The following ABCA1 variants were observed in gnomAD, a reference collection of about 807,000 sequenced individuals.
ABCA1 encodes the protein phospholipid-transporting ATPase ABCA1.
Under a neutral mutation model 262.5 loss-of-function variants are expected in ABCA1, and 133 were observed. That is an observed-to-expected ratio of 0.51 (90% CI 0.44 to 0.59). The LOEUF (loss-of-function observed/expected upper bound fraction) is 0.59, where lower values mean the gene tolerates loss of function less well. Ranked by LOEUF, ABCA1 falls within the 20% of genes least tolerant of loss-of-function variation. The probability of loss-of-function intolerance (pLI) is 0.00; values close to 1 mark genes in which losing one functional copy is unlikely to be tolerated. For missense variants in ABCA1, 2,452 were observed against 2,777.5 expected, an observed-to-expected ratio of 0.88 and a Z score of 2.63; for synonymous variants, 1,022 against 1,043.5, an observed-to-expected ratio of 0.98 and a Z score of 0.40.
intron 7 of ABCA1, among the ~76,000 whole-genome samples, chr9:104,856,632 T>C (rs1195491506): frequency 6.6e-6 from 1 of 152,168 alleles, no homozygotes; most frequent in Non-Finnish European, 1.5e-5. Context: ...AATTCAGGCA[T>C]TGTGTGAGTG....
intron 1 of ABCA1, among the ~76,000 whole-genome samples, chr9:104,905,783 G>C (rs3905001): frequency 0.33 from 50,440 of 152,036 alleles, 8,897 homozygotes; most frequent in East Asian, 0.58. Context: ...CCAGGAATCA[G>C]TTCGTTGATT....
chr9:104,916,408 T>C (rs1338017682), intron 1 of ABCA1, among the ~76,000 whole-genome samples: 2 of 152,158 alleles, frequency 1.3e-5, no homozygotes, highest in African/African-American at 4.8e-5. Context: ...AGATTCAAAT[T>C]GGACCAACAG....
At chr9:104,883,412 G>C (rs1181566971) in intron 4 of ABCA1, among the ~76,000 whole-genome samples, 1 of 152,054 alleles carries the variant, frequency 6.6e-6, no homozygotes, top group Non-Finnish European at 1.5e-5. Context: ...TCAAGGCCCG[G>C]CTCATCATGC....
chr9:104,877,390 G>A (rs1838250997), intron 5 of ABCA1, among the ~76,000 whole-genome samples: 1 of 152,216 alleles, frequency 6.6e-6, no homozygotes, highest in African/African-American at 2.4e-5. Context: ...GGAACCATGA[G>A]CAAGGCGCCC....
At chr9:104,852,886 G>A (rs1420178274) in intron 7 of ABCA1, among the ~76,000 whole-genome samples, 1 of 152,198 alleles carries the variant, frequency 6.6e-6, no homozygotes, top group Non-Finnish European at 1.5e-5. Flanking sequence ...TTTAAGGACT[G>A]CATGTAACAA....
chr9:104,877,991 T>C (rs1838297819), intron 5 of ABCA1, among the ~76,000 whole-genome samples: 1 of 152,240 alleles, frequency 6.6e-6, no homozygotes, highest in Non-Finnish European at 1.5e-5. Context: ...GAAATTGCAA[T>C]TGGATGTGGG....
At chr9:104,856,241 T>G (rs1777650213) in intron 7 of ABCA1, among the ~76,000 whole-genome samples, 1 of 152,248 alleles carries the variant, frequency 6.6e-6, no homozygotes, top group Non-Finnish European at 1.5e-5. Context: ...CATTTCATCC[T>G]AAAGCCTTCC....
At chr9:104,888,073 G>GTGTA (rs1839357426) in intron 3 of ABCA1, among the ~76,000 whole-genome samples, 2 of 151,622 alleles carry the variant, frequency 1.3e-5, no homozygotes, top group African/African-American at 4.9e-5. Context: ...GTGTGTGTGT[G>GTGTA]TGTGTGTGTG....
At chr9:104,869,030 G>C (rs909440572) in intron 5 of ABCA1, among the ~76,000 whole-genome samples, 9 of 146,816 alleles carry the variant, frequency 6.1e-5, no homozygotes, top group African/African-American at 2.2e-4. Flanking sequence ...GGGGAGGCTG[G>C]GAAAGAAGGA....
In ABCA1 at chr9:104,858,663, A is replaced by G; in HGVS notation, c.579T>C (p.Ser193=). 2 of 1,614,196 alleles carry G rather than the reference A, an allele frequency of 1.2e-6. No homozygotes were observed. Among genetic ancestry groups the G allele is most frequent in the Non-Finnish European group, 1.7e-6 (2 of 1,180,040 alleles). ...CTTCTGATTTTGATCCATTGCACAG[A>G]CTTGTCAAATGTAACTGGTAGCCTT... ...FLQGYQLHLT[S]LCNGSKSEEM... Residue 193 remains serine, a synonymous_variant, in exon 7 of 50, where the codon AGT becomes AGC. Coordinates refer to ENST00000374736, the MANE Select transcript of ABCA1 (RefSeq NM_005502.4).
At chr9:104,789,471 T>C (rs1422010037) in intron 44 of ABCA1, among the ~76,000 whole-genome samples, 1 of 152,220 alleles carries the variant, frequency 6.6e-6, no homozygotes, top group African/African-American at 2.4e-5. Context: ...AGATCATGAA[T>C]ACATTAATTT....
At chr9:104,890,567 A>G (rs1320516468) in intron 2 of ABCA1, among the ~76,000 whole-genome samples, 1 of 151,750 alleles carries the variant, frequency 6.6e-6, no homozygotes, top group Non-Finnish European at 1.5e-5. Flanking sequence ...GGCAACAGAG[A>G]GAGACTCCGT....
At chr9:104,866,638 C>T (rs1249223617) in intron 5 of ABCA1, among the ~76,000 whole-genome samples, 2 of 152,168 alleles carry the variant, frequency 1.3e-5, no homozygotes, top group East Asian at 1.9e-4. Context: ...CCCGCCATCA[C>T]GCCCAGCTAT....
chr9:104,781,408 T>G lies in ABCA1; in HGVS notation c.*2907A>C, dbSNP rs551547276. The stretch of plus-strand genomic sequence containing the variant: ...TTCTACAGTATTACATTATTACTAG[T>G]AGATAATAACAAGGGTACAAATTAA... On this transcript the variant is annotated 3_prime_UTR_variant, in exon 50 of 50. Coordinates refer to ENST00000374736, the MANE Select transcript of ABCA1 (RefSeq NM_005502.4). The G allele has an allele frequency of 1.7e-4, 26 of 149,694 alleles. 1 individual carries two copies. Among genetic ancestry groups the G allele is most frequent in the South Asian group, 1.7e-3 (8 of 4,806 alleles). The allele number at this position is 149,694 out of a possible 1,614,324, so 9.3% of individuals were successfully genotyped here. A position where few individuals can be genotyped will look rare whatever the true frequency, so the allele number is the denominator to read the frequency against.
At chr9:104,846,928 A>T (rs1044258146) in intron 7 of ABCA1, among the ~76,000 whole-genome samples, 2 of 152,204 alleles carry the variant, frequency 1.3e-5, no homozygotes, top group African/African-American at 4.8e-5. Flanking sequence ...TCACTTTATA[A>T]CTAAAGGTTA....
chr9:104,802,216 A>G, intron 33 of ABCA1, 57 bp from the exon 34 acceptor site: 1 of 1,462,948 alleles, frequency 6.8e-7, no homozygotes, highest in African/African-American at 1.4e-5. Flanking sequence ...TATCATCAGC[A>G]GCAGACTCAG....
At chr9:104,791,446 T>C (rs964652944) in intron 43 of ABCA1, among the ~76,000 whole-genome samples, 4 of 152,206 alleles carry the variant, frequency 2.6e-5, no homozygotes, top group Admixed American at 6.5e-5. Context: ...TTTTCTGTTT[T>C]TGTTGTTGAC....
chr9:104,887,839 G>A (rs933515946), intron 3 of ABCA1, among the ~76,000 whole-genome samples: 4 of 146,052 alleles, frequency 2.7e-5, no homozygotes, highest in Admixed American at 2.2e-4. Flanking sequence ...CAATTCTCCT[G>A]CCTCAGCCTC....
At chr9:104,880,932 C>T (rs1477930531) in intron 5 of ABCA1, among the ~76,000 whole-genome samples, 4 of 152,056 alleles carry the variant, frequency 2.6e-5, no homozygotes, top group African/African-American at 9.7e-5. Flanking sequence ...GGGCAGATCA[C>T]GAGGTTAGGA....
Sources: gnomAD v4.1 joint callset for allele counts (sites outside exome capture counted in the v4.1 genomes callset) on GRCh38, gnomAD v4.1.1 for gene constraint, MANE v1.5 for transcripts, NCBI Gene and HGNC (gene_info 2026-07-23, HGNC 2026-07-21) for gene names.